Variants in CAMK2A observed in about 807,000 individuals in gnomAD.
CAMK2A encodes calcium/calmodulin-dependent protein kinase type II subunit alpha.
CAMK2A carries 7 observed loss-of-function variants against 79.2 expected under a neutral mutation model. The observed-to-expected ratio is 0.09, with a 90% confidence interval of 0.05 to 0.17. The LOEUF (loss-of-function observed/expected upper bound fraction) is 0.17. Ranked by LOEUF, CAMK2A falls within the 10% of genes least tolerant of loss-of-function variation. The pLI, the probability that CAMK2A is intolerant of heterozygous loss-of-function variation, is 1.00. For synonymous variants in CAMK2A, 242 were observed against 251.7 expected (o/e 0.96, Z 0.36); for missense variants, 214 against 646.4 (o/e 0.33, Z 7.25).
rs539735917 is a variant in CAMK2A at position 150,256,301 on chromosome 5, C to T, written c.411+272G>A. On this transcript the variant is annotated intron_variant, in intron 6 of 18. Transcript: ENST00000671881. This position sits in a 1 kb window ranked among gnomAD's most constrained non-coding sequence, Gnocchi z 4.6. Reference sequence around the variant, plus strand: ...TGCCTTCTTCCCCACCCACCGTAGCCAGTCATGACAGTATAACTGCAGCTC... The same window carrying T: ...TGCCTTCTTCCCCACCCACCGTAGCTAGTCATGACAGTATAACTGCAGCTC... Among the ~76,000 whole-genome samples, 13 of 152,262 alleles carry T rather than the reference C, an allele frequency of 8.5e-5. No individual in the cohort carries two copies. The highest frequency in any genetic ancestry group is 6.5e-5 in the Admixed American group (1 of 15,294).
intron 1 of CAMK2A, among the ~76,000 whole-genome samples, chr5:150,277,002 G>T (rs556326540): frequency 3.9e-5 from 6 of 152,272 alleles, no homozygotes; most frequent in Non-Finnish European, 7.4e-5. Context: ...GGCCAAGGTG[G>T]GAGAATCTCT....
At position 150,266,090 on chromosome 5, in the gene CAMK2A, G is replaced by T. The variant is rs139143794; in HGVS notation, c.158-1075C>A. On this transcript the variant is annotated intron_variant, in intron 2 of 18. Transcript: ENST00000671881. ...CCTTTCAGGAGACTCTGGGACCAGG[G>T]ACACAGAGAGCCCCAAAGAATCTGC... 2.4e-3 allele frequency among the ~76,000 whole-genome samples: 363 copies of T among 152,274 alleles called. 3 individuals carry two copies. The highest frequency in any genetic ancestry group is 7.8e-3 in the African/African-American group (324 of 41,562).
chr5:150,257,027 A>G (rs1330317669), intron 4 of CAMK2A, among the ~76,000 whole-genome samples, 196 bp from the exon 5 acceptor site: 1 of 152,104 alleles, frequency 6.6e-6, no homozygotes, highest in Non-Finnish European at 1.5e-5. Flanking sequence ...CATTGACTCC[A>G]GTCCCCTCTC....
chr5:150,279,240 A>G (rs970206129), intron 1 of CAMK2A, among the ~76,000 whole-genome samples: 4 of 152,188 alleles, frequency 2.6e-5, no homozygotes, highest in Admixed American at 1.3e-4. Flanking sequence ...CAAATTTCTT[A>G]TTTTATTTAA....
At chr5:150,287,484 G>GC (rs1046335198) in intron 1 of CAMK2A, among the ~76,000 whole-genome samples, 1 of 152,144 alleles carries the variant, frequency 6.6e-6, no homozygotes, top group African/African-American at 2.4e-5. Context: ...GGGCTCCCTT[G>GC]CCCCTGAAAT....
chr5:150,240,280 G>A (rs1392712022), intron 13 of CAMK2A, among the ~76,000 whole-genome samples: 3 of 152,184 alleles, frequency 2.0e-5, no homozygotes, highest in Non-Finnish European at 4.4e-5. Flanking sequence ...ACTAGGTCTG[G>A]GGTGCGGCCT....
chr5:150,245,127 A>G, intron 13 of CAMK2A, 34 bp downstream of exon 13: 1 of 1,609,528 alleles, frequency 6.2e-7, no homozygotes, highest in Non-Finnish European at 8.5e-7. Flanking sequence ...ACGCTGCCAG[A>G]GCCAAGCCCT....
intron 9 of CAMK2A, 52 bp from the exon 10 acceptor site, chr5:150,250,862 G>C (rs2150279644): frequency 6.3e-7 from 1 of 1,598,886 alleles, no homozygotes; most frequent in East Asian, 2.2e-5. Context: ...GGCCACCCCT[G>C]CGATCCCCCA....
intron 1 of CAMK2A, among the ~76,000 whole-genome samples, chr5:150,286,967 C>A (rs1757448897): frequency 1.3e-5 from 2 of 152,228 alleles, no homozygotes; most frequent in Admixed American, 6.5e-5. Flanking sequence ...CCCTTTTTAT[C>A]TCCAGACTAC....
intron 2 of CAMK2A, among the ~76,000 whole-genome samples, chr5:150,267,909 T>C (rs1756582537): frequency 6.6e-6 from 1 of 150,468 alleles, no homozygotes; most frequent in Admixed American, 6.6e-5. Context: ...AGTCTCGCTG[T>C]GTCGGCCAGA....
At chr5:150,229,829 C>G (rs1338292816) in intron 16 of CAMK2A, among the ~76,000 whole-genome samples, 1 of 152,222 alleles carries the variant, frequency 6.6e-6, no homozygotes, top group Non-Finnish European at 1.5e-5. Context: ...TACATGCACA[C>G]GCACCTGCGC....
intron 17 of CAMK2A, among the ~76,000 whole-genome samples, chr5:150,225,038 TAGGGAGAG>T (rs1263836497): frequency 1.3e-5 from 1 of 79,998 alleles, no homozygotes; most frequent in Non-Finnish European, 2.3e-5. Flanking sequence ...ACCTGGTAGG[TAGGGAGAG>T]AGAGAGAGAG....
At chr5:150,230,975 C>T (rs1351731705) in intron 16 of CAMK2A, among the ~76,000 whole-genome samples, 1 of 152,128 alleles carries the variant, frequency 6.6e-6, no homozygotes, top group African/African-American at 2.4e-5. Context: ...CAGCTCATCT[C>T]CTGAGGAGGC....
chr5:150,250,118 T>C, intron 11 of CAMK2A, 108 bp downstream of exon 11: 1 of 822,388 alleles, frequency 1.2e-6, no homozygotes, highest in South Asian at 1.5e-5. Context: ...AATAAATGCT[T>C]ATTGAATCAA....
chr5:150,226,756 G>T lies in CAMK2A; in HGVS notation c.1237+1436C>A, dbSNP rs868599574. On this transcript the variant is annotated intron_variant, in intron 17 of 18. Coordinates refer to ENST00000671881, the MANE Select transcript of CAMK2A (RefSeq NM_015981.4). Reference sequence around the variant, plus strand: ...TCAAAAAAAAAAAAGGGGGGGGGGGGATTTTCCTGAATTGATTGACTTTAC... The same window carrying T: ...TCAAAAAAAAAAAAGGGGGGGGGGGTATTTTCCTGAATTGATTGACTTTAC... Among the ~76,000 whole-genome samples, 125 of 108,798 alleles carry T rather than the reference G, an allele frequency of 1.1e-3. 1 individual carries two copies. The highest frequency in any genetic ancestry group is 3.9e-3 in the African/African-American group (118 of 30,496). 71.4% of individuals were successfully genotyped at this position (108,798 alleles called of 152,430 possible).
intron 11 of CAMK2A, 72 bp from the exon 12 acceptor site, chr5:150,247,886 G>A (rs1202227607): frequency 8.0e-7 from 1 of 1,256,968 alleles, no homozygotes; most frequent in Non-Finnish European, 1.2e-6. Flanking sequence ...CAGAGAGACG[G>A]GAGGGCCACG....
Position 150,284,933 on chromosome 5 carries a change from A to C in CAMK2A, c.62+4631T>G, listed in dbSNP as rs180890251. Among the ~76,000 whole-genome samples, 54 of 152,290 alleles carry C rather than the reference A, an allele frequency of 3.5e-4. 1 individual carries two copies. The highest frequency in any genetic ancestry group is 1.3e-3 in the African/African-American group (53 of 41,556). ...GGAGGCTACAGAGCGTGGCATCTCTAATGGGGCATTGCAGGCATCTCCAGA... is the reference window on the plus strand; with the variant it reads ...GGAGGCTACAGAGCGTGGCATCTCTCATGGGGCATTGCAGGCATCTCCAGA... On this transcript the variant is annotated intron_variant, in intron 1 of 18. Transcript: ENST00000671881. This position sits in a 1 kb window ranked among gnomAD's most constrained non-coding sequence, Gnocchi z 5.3.
rs756197069 is a variant in CAMK2A at position 150,253,511 on chromosome 5, A to G, written c.447T>C (p.Gly149=). ...ENLLLASKLK[G]AAVKLADFGL... ...CAAAGTCTGCCAGCTTCACTGCGGC[A>G]CCCTTGAGCTTGGAGGCCAGCAACA... The change falls in exon 7 of 19, where the codon GGT becomes GGC. Residue 149 remains glycine (G), a synonymous_variant. Transcript: ENST00000671881. 1.5e-5 allele frequency: 24 copies of G among 1,613,986 alleles called. No individual in the cohort carries two copies. Among genetic ancestry groups the G allele is most frequent in the Non-Finnish European group, 2.0e-5 (24 of 1,180,020 alleles).
At chr5:150,267,501 C>T (rs1756560301) in intron 2 of CAMK2A, among the ~76,000 whole-genome samples, 1 of 152,176 alleles carries the variant, frequency 6.6e-6, no homozygotes, top group South Asian at 2.1e-4. Context: ...GGTTACCAGA[C>T]CTTATTGCTG....
Sources: gnomAD v4.1 joint callset for allele counts (sites outside exome capture counted in the v4.1 genomes callset) on GRCh38, gnomAD v4.1.1 for gene constraint, Gnocchi (gnomAD v3.1) non-coding constraint, MANE v1.5 for transcripts, NCBI Gene and HGNC (gene_info 2026-07-23, HGNC 2026-07-21) for gene names.